Variants in ADGRL4 observed in about 807,000 individuals in gnomAD.
ADGRL4 encodes the protein adhesion G protein-coupled receptor L4.
A neutral mutation model predicts 74.8 loss-of-function variants in ADGRL4; 90 were observed. The observed-to-expected ratio is 1.20, with a 90% CI of 1.02 to 1.43. ADGRL4 has a LOEUF of 1.43. ADGRL4 is among the 40% of genes most tolerant of loss of function. The pLI is 0.00. For missense variants in ADGRL4, 881 were observed against 814.3 expected, an observed-to-expected ratio of 1.08 and a Z score of -1.00; for synonymous variants, 311 against 279.2, an observed-to-expected ratio of 1.11 and a Z score of -1.14.
At chr1:78,910,097 G>A (rs1011093750) in intron 12 of ADGRL4, among the ~76,000 whole-genome samples, 1 of 151,744 alleles carries the variant, frequency 6.6e-6, no homozygotes, top group Non-Finnish European at 1.5e-5. Flanking sequence ...TAAGAAAAAT[G>A]TATTTATGGG....
chr1:78,891,459 C>T, intron 14 of ADGRL4, 65 bp downstream of exon 14: 1 of 1,494,726 alleles, frequency 6.7e-7, no homozygotes, highest in African/African-American at 1.4e-5. Context: ...TAAGAATTTT[C>T]TATCAATTTG....
At chr1:78,938,798 A>G (rs1649413720) in intron 4 of ADGRL4, among the ~76,000 whole-genome samples, 1 of 152,040 alleles carries the variant, frequency 6.6e-6, no homozygotes, top group African/African-American at 2.4e-5. Context: ...TAAATCACCT[A>G]CTTTATTTGC....
intron 2 of ADGRL4, among the ~76,000 whole-genome samples, chr1:78,984,345 T>A (rs1243868695): frequency 6.6e-6 from 1 of 151,770 alleles, no homozygotes; most frequent in South Asian, 2.1e-4. Flanking sequence ...ATGGATTATT[T>A]TGGATTTATT....
intron 2 of ADGRL4, among the ~76,000 whole-genome samples, chr1:78,969,132 C>T (rs1241677111): frequency 6.6e-6 from 1 of 152,154 alleles, no homozygotes; most frequent in Non-Finnish European, 1.5e-5. Flanking sequence ...TTCCTGTGAA[C>T]AAAATTTGGA....
At position 78,971,695 on chromosome 1, in the gene ADGRL4, T is replaced by C. The variant is rs150306564; in HGVS notation, c.173-25269A>G. ...GAAAGTCCTACAACACTATGTGACT[T>C]GTTCAGATTTAGTTTCCTCATTTTC... On this transcript the variant is annotated intron_variant, in intron 2 of 14. Transcript: ENST00000370742. Among the ~76,000 whole-genome samples the C allele has an allele frequency of 3.7e-3, 568 of 152,316 alleles. 6 individuals carry two copies. Among genetic ancestry groups the C allele is most frequent in the African/African-American group, 0.013 (543 of 41,572 alleles).
chr1:78,978,489 C>A (rs2100723876), intron 2 of ADGRL4, among the ~76,000 whole-genome samples: 1 of 152,068 alleles, frequency 6.6e-6, no homozygotes, highest in Non-Finnish European at 1.5e-5. Flanking sequence ...TGTTTCAGTT[C>A]TTCTCGTCCA....
intron 2 of ADGRL4, among the ~76,000 whole-genome samples, chr1:78,972,679 T>C (rs959224295): frequency 6.6e-6 from 1 of 152,206 alleles, no homozygotes; most frequent in Non-Finnish European, 1.5e-5. Flanking sequence ...ATCTGCTTAT[T>C]GCCGAAGCAT....
intron 12 of ADGRL4, among the ~76,000 whole-genome samples, chr1:78,906,214 T>C (rs1339667537): frequency 1.3e-5 from 2 of 152,074 alleles, no homozygotes; most frequent in African/African-American, 4.8e-5. Context: ...TTAATCCTCA[T>C]GCTATAGCTT....
chr1:78,981,117 A>G (rs1650389207), intron 2 of ADGRL4, among the ~76,000 whole-genome samples: 1 of 151,902 alleles, frequency 6.6e-6, no homozygotes, highest in South Asian at 2.1e-4. Context: ...GCCTCTCTAT[A>G]GAACAGCCTT....
At chr1:78,965,378 A>G (rs770950734) in intron 2 of ADGRL4, among the ~76,000 whole-genome samples, 1 of 152,180 alleles carries the variant, frequency 6.6e-6, no homozygotes. Flanking sequence ...TAGTATACAA[A>G]CTTTGCAGAC....
intron 12 of ADGRL4, among the ~76,000 whole-genome samples, chr1:78,901,725 G>T (rs1648525039): frequency 6.6e-6 from 1 of 152,156 alleles, no homozygotes; most frequent in Non-Finnish European, 1.5e-5. Flanking sequence ...TGTCAGATTT[G>T]TAGAAAAGAC....
chr1:78,971,833 G>C (rs377389776), intron 2 of ADGRL4, among the ~76,000 whole-genome samples: 1 of 152,050 alleles, frequency 6.6e-6, no homozygotes, highest in Non-Finnish European at 1.5e-5. Context: ...CTCAGCCCAC[G>C]GCAACCTCCA....
intron 8 of ADGRL4, among the ~76,000 whole-genome samples, chr1:78,925,393 T>G (rs1477125117): frequency 6.6e-6 from 1 of 152,052 alleles, no homozygotes; most frequent in Admixed American, 6.6e-5. Flanking sequence ...GTTTCTAACA[T>G]AAGCACTATG....
At position 78,893,859 on chromosome 1, in the gene ADGRL4, C is replaced by T. The variant is rs188522508; in HGVS notation, c.1750-670G>A. On this transcript the variant is annotated intron_variant, in intron 12 of 14. Coordinates refer to ENST00000370742, the MANE Select transcript of ADGRL4 (RefSeq NM_022159.4). ...TAAATAGAATTGGAGAGTTGTCACCCTTTTTATTGTGACTGCATTATGAAA... is the reference window on the plus strand; with the variant it reads ...TAAATAGAATTGGAGAGTTGTCACCTTTTTTATTGTGACTGCATTATGAAA... Among the ~76,000 whole-genome samples, 599 of 151,832 alleles carry T rather than the reference C, an allele frequency of 3.9e-3. 1 individual carries two copies. The highest frequency in any genetic ancestry group is 6.4e-3 in the Non-Finnish European group (434 of 67,786).
intron 12 of ADGRL4, among the ~76,000 whole-genome samples, chr1:78,908,164 C>A (rs1034830926): frequency 1.3e-5 from 2 of 151,862 alleles, no homozygotes; most frequent in East Asian, 1.9e-4. Context: ...AGCTCTGCAA[C>A]GACTAAGAAA....
intron 2 of ADGRL4, among the ~76,000 whole-genome samples, chr1:78,951,081 C>G (rs1191619658): frequency 6.6e-6 from 1 of 152,130 alleles, no homozygotes; most frequent in Non-Finnish European, 1.5e-5. Flanking sequence ...CATTTCTCAG[C>G]TCCTGAGAAA....
intron 7 of ADGRL4, among the ~76,000 whole-genome samples, chr1:78,927,941 C>T (rs1324695628): frequency 2.7e-5 from 4 of 147,132 alleles, no homozygotes; most frequent in Middle Eastern, 3.2e-3. Context: ...CCTCAAGTGT[C>T]GTCTTACAAA....
intron 2 of ADGRL4, among the ~76,000 whole-genome samples, chr1:78,967,982 G>A (rs1650089771): frequency 6.6e-6 from 1 of 152,112 alleles, no homozygotes; most frequent in Non-Finnish European, 1.5e-5. Context: ...GCTCCAGAGG[G>A]TGCTTGGAGT....
chr1:78,927,266 G>T (rs12757780), intron 7 of ADGRL4, among the ~76,000 whole-genome samples, 175 bp from the exon 8 acceptor site: 93,104 of 151,768 alleles, frequency 0.61, 28,708 homozygotes, highest in East Asian at 0.7. Context: ...TAAACCATAG[G>T]AAGACATATT....
Sources: gnomAD v4.1 joint callset for allele counts (sites outside exome capture counted in the v4.1 genomes callset) on GRCh38, gnomAD v4.1.1 for gene constraint, MANE v1.5 for transcripts, NCBI Gene and HGNC (gene_info 2026-07-23, HGNC 2026-07-21) for gene names.